Variants in PLSCR4 observed in about 807,000 individuals in gnomAD.
The protein encoded by PLSCR4 is Ca(2+)-dependent phospholipid scramblase 4.
In PLSCR4, 25 loss-of-function variants were observed where a neutral mutation model predicts 36.3. That is an observed-to-expected ratio of 0.69 (90% CI 0.50 to 0.96). PLSCR4 has a LOEUF of 0.96. Ranked by LOEUF, PLSCR4 falls within the 40% of genes least tolerant of loss-of-function variation. The pLI, the probability that PLSCR4 is intolerant of heterozygous loss-of-function variation, is 0.00. For missense variants in PLSCR4, 408 were observed against 414.7 expected (o/e 0.98, Z 0.14); for synonymous variants, 122 against 132.9 (o/e 0.92, Z 0.56).
rs533266792 is a variant in PLSCR4, at chr3:146,225,325, G to A, written c.-21-3233C>T. Among the ~76,000 whole-genome samples the A allele has an allele frequency of 5.4e-4, 83 of 152,360 alleles. 5 individuals are homozygous for A. The Middle Eastern group carries it at 0.01, about 19-fold the overall frequency. ...TTATAATCCCTGAGCTAGACATAAA[G>A]ACTCTCCACTTCCCCACCAGACTCA... is the stretch of plus-strand genomic sequence containing the variant. On this transcript the variant is annotated intron_variant, in intron 1 of 8. Coordinates refer to ENST00000354952, the MANE Select transcript of PLSCR4 (RefSeq NM_020353.3).
chr3:146,228,805 GAACT>G lies in PLSCR4; in HGVS notation c.-21-6717_-21-6714del, dbSNP rs2035582155. On this transcript the variant is annotated intron_variant, in intron 1 of 8. Transcript: ENST00000354952. Reference sequence around the variant, plus strand: ...GTACTTCATGGTATAAGATGCAACTGAACTAATATATGTGTAAGTGATTAGAATA... The same window carrying G: ...GTACTTCATGGTATAAGATGCAACTGAATATATGTGTAAGTGATTAGAATA... 3.9e-5 allele frequency among the ~76,000 whole-genome samples: 6 copies of G among 151,970 alleles called. No homozygotes were observed. In the South Asian group the frequency reaches 1.2e-3, roughly 32 times the overall value.
At chr3:146,210,563 C>T (rs557666870) in intron 3 of PLSCR4, among the ~76,000 whole-genome samples, 1 of 152,130 alleles carries the variant, frequency 6.6e-6, no homozygotes, top group South Asian at 2.1e-4. Flanking sequence ...CAATCTATTG[C>T]AACAGGATCT....
intron 4 of PLSCR4, among the ~76,000 whole-genome samples, chr3:146,201,494 A>G (rs1292993955): frequency 3.3e-5 from 5 of 152,092 alleles, no homozygotes; most frequent in Non-Finnish European, 4.4e-5. Context: ...CAGCCATAGA[A>G]AAGGGAAGTC....
intron 1 of PLSCR4, among the ~76,000 whole-genome samples, chr3:146,231,041 A>T (rs1006154240): frequency 6.6e-6 from 1 of 151,610 alleles, no homozygotes; most frequent in Non-Finnish European, 1.5e-5. Flanking sequence ...TCCAGAAGGC[A>T]TTGGTGTCTA....
At chr3:146,223,766 T>C (rs1244874337) in intron 1 of PLSCR4, 2 of 151,306 alleles carry the variant, frequency 1.3e-5, no homozygotes, top group Admixed American at 1.3e-4. Context: ...CGGTGCCCTA[T>C]GTGTCTCCAA....
intron 1 of PLSCR4, among the ~76,000 whole-genome samples, chr3:146,225,895 G>A (rs1379652130): frequency 2.6e-5 from 4 of 152,296 alleles, no homozygotes; most frequent in African/African-American, 9.6e-5. Flanking sequence ...GTGGGCTGAA[G>A]GGCTCCTCAA....
intron 1 of PLSCR4, among the ~76,000 whole-genome samples, chr3:146,237,992 A>C (rs1311241821): frequency 6.6e-6 from 1 of 151,896 alleles, no homozygotes; most frequent in Non-Finnish European, 1.5e-5. Context: ...CAAAATAATG[A>C]ATGAAAAGAG....
chr3:146,196,123 G>T (rs1559895792), intron 7 of PLSCR4, among the ~76,000 whole-genome samples: 1 of 151,880 alleles, frequency 6.6e-6, no homozygotes, highest in Non-Finnish European at 1.5e-5. Context: ...TCTTTTTATT[G>T]AAAAAAATGT....
At position 146,195,219 on chromosome 3, in the gene PLSCR4, A is replaced by T; in HGVS notation, c.850T>A (p.Ser284Thr). 6.2e-7 allele frequency: 1 copy of T among 1,613,522 alleles called. No individual in the cohort carries two copies. Among genetic ancestry groups the T allele is most frequent in the East Asian group, 2.2e-5 (1 of 44,876 alleles). ...SIIRKWNGLL[S>T]AMADADHFDI... Reference sequence around the variant, plus strand: ...AAATGGTCAGCATCTGCCATTGCTGATAACAAACCATTCCACTTCCGGATA... The same window carrying T: ...AAATGGTCAGCATCTGCCATTGCTGTTAACAAACCATTCCACTTCCGGATA... Residue 284 changes from serine to threonine, a missense_variant, in exon 8 of 9, where the codon TCA (serine) becomes ACA (threonine). Transcript: ENST00000354952.
chr3:146,215,021 G>T (rs562081938), intron 3 of PLSCR4, among the ~76,000 whole-genome samples: 1 of 152,018 alleles, frequency 6.6e-6, no homozygotes, highest in East Asian at 1.9e-4. Flanking sequence ...ATTATAAAAT[G>T]ACCATTATCT....
intron 3 of PLSCR4, among the ~76,000 whole-genome samples, chr3:146,217,766 G>T (rs1328470854): frequency 6.6e-6 from 1 of 152,176 alleles, no homozygotes; most frequent in Non-Finnish European, 1.5e-5. Flanking sequence ...AACAAAGTTG[G>T]GCTGGTGATC....
chr3:146,240,975 T>A (rs1425508198), intron 1 of PLSCR4, among the ~76,000 whole-genome samples: 1 of 152,136 alleles, frequency 6.6e-6, no homozygotes, highest in African/African-American at 2.4e-5. Flanking sequence ...TTTTTAAATA[T>A]CCCTACAATG....
chr3:146,231,284 T>G (rs1316554186), intron 1 of PLSCR4, among the ~76,000 whole-genome samples: 1 of 152,196 alleles, frequency 6.6e-6, no homozygotes, highest in Non-Finnish European at 1.5e-5. Context: ...GGCAACTAGG[T>G]TGACTTCATG....
At chr3:146,215,639 T>C (rs184317559) in intron 3 of PLSCR4, among the ~76,000 whole-genome samples, 1 of 152,316 alleles carries the variant, frequency 6.6e-6, no homozygotes, top group East Asian at 1.9e-4. Flanking sequence ...ATGTATATGT[T>C]TTTTTTGTGT....
At chr3:146,224,276 T>C (rs1339444863) in intron 1 of PLSCR4, among the ~76,000 whole-genome samples, 1 of 152,190 alleles carries the variant, frequency 6.6e-6, no homozygotes, top group Non-Finnish European at 1.5e-5. Flanking sequence ...GATACAATAA[T>C]ATCCTGTAGT....
chr3:146,198,322 T>C (rs2033860861), intron 6 of PLSCR4, among the ~76,000 whole-genome samples: 1 of 152,050 alleles, frequency 6.6e-6, no homozygotes, highest in Non-Finnish European at 1.5e-5. Context: ...CACACACAAA[T>C]TAATACAAGT....
At chr3:146,206,980 A>G (rs1430929395) in intron 3 of PLSCR4, among the ~76,000 whole-genome samples, 4 of 152,080 alleles carry the variant, frequency 2.6e-5, no homozygotes, top group Non-Finnish European at 5.9e-5. Flanking sequence ...AAAGCTTATA[A>G]GATAATTATT....
At chr3:146,223,778 C>G (rs1267142701) in intron 1 of PLSCR4, 1 of 149,358 alleles carries the variant, frequency 6.7e-6, no homozygotes, top group Non-Finnish European at 1.5e-5. Context: ...TGTCTCCAAG[C>G]TTAAAAAATA....
At chr3:146,225,771 C>T (rs1014651401) in intron 1 of PLSCR4, among the ~76,000 whole-genome samples, 6 of 152,210 alleles carry the variant, frequency 3.9e-5, no homozygotes, top group African/African-American at 1.4e-4. Context: ...TCCAGCTGGC[C>T]CGCAAGCGCC....
Sources: gnomAD v4.1 joint callset for allele counts (sites outside exome capture counted in the v4.1 genomes callset) on GRCh38, gnomAD v4.1.1 for gene constraint, MANE v1.5 for transcripts, NCBI Gene and HGNC (gene_info 2026-07-23, HGNC 2026-07-21) for gene names.